Variants in LRRC4C observed in about 807,000 individuals in gnomAD.
The protein encoded by LRRC4C is leucine rich repeat containing 4C, also known as leucine-rich repeat-containing protein 4C.
Under a neutral mutation model 33.6 loss-of-function variants are expected in LRRC4C, and 5 were observed. That is an observed-to-expected ratio of 0.15 (90% CI 0.08 to 0.31). LRRC4C has a LOEUF of 0.31. Among genes scored for constraint, LRRC4C ranks in the 10% least tolerant of loss-of-function variants. LRRC4C has a pLI of 1.00. For missense variants in LRRC4C, 560 were observed against 796.7 expected (o/e 0.70, Z 3.58); for synonymous variants, 329 against 302.0 (o/e 1.09, Z -0.93).
chr11:40,599,292 T>A (rs192135686), intron 3 of LRRC4C, among the ~76,000 whole-genome samples: 7,921 of 150,226 alleles, frequency 0.053, 276 homozygotes, highest in Middle Eastern at 0.096. Context: ...TACAAAAATT[T>A]AAAAAAAAAA....
chr11:40,603,104 G>C (rs1212990000), intron 3 of LRRC4C, among the ~76,000 whole-genome samples: 1 of 152,170 alleles, frequency 6.6e-6, no homozygotes, highest in Admixed American at 6.5e-5. Flanking sequence ...ACAAGGCGAG[G>C]AAATAGGAGG....
intron 2 of LRRC4C, among the ~76,000 whole-genome samples, chr11:40,801,520 C>G (rs1404332465): frequency 6.6e-6 from 1 of 152,154 alleles, no homozygotes; most frequent in Non-Finnish European, 1.5e-5. Flanking sequence ...TGGACTGCAC[C>G]TATTTTGTTT....
At chr11:41,170,708 A>G (rs185801972) in intron 1 of LRRC4C, among the ~76,000 whole-genome samples, 10 of 152,076 alleles carry the variant, frequency 6.6e-5, no homozygotes, top group South Asian at 4.1e-4. Flanking sequence ...AGGACTTCAC[A>G]TCTAAAACAC....
Position 40,114,847 on chromosome 11 carries a change from G to T in LRRC4C, c.1446C>A (p.Val482=). 2.5e-6 allele frequency: 4 copies of T among 1,614,054 alleles called. No individual in the cohort carries two copies. Among genetic ancestry groups the T allele is most frequent in the Non-Finnish European group, 3.4e-6 (4 of 1,179,998 alleles). The change falls in exon 7 of 7, where the codon GTC becomes GTA. Residue 482 remains valine, a synonymous_variant. Coordinates refer to ENST00000528697, the MANE Select transcript of LRRC4C (RefSeq NM_001258419.2). ...TDNNVGPTPV[V]DWETTNVTTS... is the part of the protein sequence containing the mutation. The stretch of plus-strand genomic sequence containing the variant: ...TGGTCACATTGGTGGTCTCCCAGTC[G>T]ACCACTGGAGTGGGACCCACATTGT...
chr11:40,851,201 G>A (rs4261275), intron 2 of LRRC4C, among the ~76,000 whole-genome samples: 113,240 of 151,846 alleles, frequency 0.75, 43,153 homozygotes, highest in East Asian at 0.86. Flanking sequence ...CCCTCCTGCA[G>A]CTAGCTTGGC....
intron 1 of LRRC4C, among the ~76,000 whole-genome samples, chr11:41,045,905 C>A (rs1857745279): frequency 6.6e-6 from 1 of 152,104 alleles, no homozygotes; most frequent in Non-Finnish European, 1.5e-5. Flanking sequence ...TATTTGTGGC[C>A]ATTGCCCCAA....
chr11:40,425,973 T>C (rs1206286523), intron 3 of LRRC4C, among the ~76,000 whole-genome samples: 3 of 151,920 alleles, frequency 2.0e-5, no homozygotes, highest in African/African-American at 7.3e-5. Context: ...TACTGTATAC[T>C]GTGTTTAATG....
At chr11:40,482,181 T>C (rs918260039) in intron 3 of LRRC4C, among the ~76,000 whole-genome samples, 1 of 152,102 alleles carries the variant, frequency 6.6e-6, no homozygotes, top group African/African-American at 2.4e-5. Context: ...CTTCTATAAC[T>C]AATAGAGCAG....
At chr11:40,787,680 T>C (rs1235247606) in intron 2 of LRRC4C, among the ~76,000 whole-genome samples, 5 of 152,224 alleles carry the variant, frequency 3.3e-5, no homozygotes, top group African/African-American at 7.2e-5. Context: ...AGAAGTTATT[T>C]TGGCAATTTA....
chr11:40,686,710 C>T (rs984899865), intron 2 of LRRC4C, among the ~76,000 whole-genome samples: 2 of 152,030 alleles, frequency 1.3e-5, no homozygotes, highest in Non-Finnish European at 2.9e-5. Context: ...ATTCATCTTA[C>T]AAGAGCAGTG....
At chr11:40,238,261 G>T (rs575083653) in intron 5 of LRRC4C, among the ~76,000 whole-genome samples, 2 of 152,244 alleles carry the variant, frequency 1.3e-5, no homozygotes, top group East Asian at 3.9e-4. Flanking sequence ...CCTCAACAGA[G>T]CCCTGCTCTA....
chr11:40,734,025 A>T (rs1374623640), intron 2 of LRRC4C, among the ~76,000 whole-genome samples: 1 of 152,186 alleles, frequency 6.6e-6, no homozygotes, highest in Non-Finnish European at 1.5e-5. Context: ...ATTCCTAAAA[A>T]CATTATTAGA....
At chr11:41,389,633 G>T (rs1329563184) in intron 1 of LRRC4C, among the ~76,000 whole-genome samples, 1 of 994 alleles carries the variant, frequency 1.0e-3, no homozygotes, top group African/African-American at 1.4e-3. Context: ...GGATAACAGT[G>T]AGCAGCAAAA....
At chr11:40,243,042 G>A (rs1866043512) in intron 4 of LRRC4C, among the ~76,000 whole-genome samples, 1 of 152,144 alleles carries the variant, frequency 6.6e-6, no homozygotes. Context: ...CCAAATAACT[G>A]TATGTGCCTT....
chr11:40,545,326 G>A (rs572814764), intron 3 of LRRC4C, among the ~76,000 whole-genome samples: 18 of 151,722 alleles, frequency 1.2e-4, no homozygotes, highest in South Asian at 6.3e-4. Flanking sequence ...TGAATGAACC[G>A]ATTAGAATAA....
chr11:40,170,957 G>A (rs1036671608), intron 5 of LRRC4C, among the ~76,000 whole-genome samples: 12 of 152,136 alleles, frequency 7.9e-5, no homozygotes, highest in Admixed American at 6.5e-4. Flanking sequence ...AGATGGGAAG[G>A]CATATAATAT....
intron 5 of LRRC4C, among the ~76,000 whole-genome samples, chr11:40,148,594 T>G (rs1235583597): frequency 6.6e-6 from 1 of 152,240 alleles, no homozygotes; most frequent in Non-Finnish European, 1.5e-5. Flanking sequence ...CTTTGTCAGA[T>G]GCATAGTTTG....
chr11:40,964,302 A>G (rs1252794922), intron 1 of LRRC4C, among the ~76,000 whole-genome samples: 1 of 151,854 alleles, frequency 6.6e-6, no homozygotes, highest in Non-Finnish European at 1.5e-5. Flanking sequence ...AAGTCAAACA[A>G]AACAAATAAA....
At chr11:40,155,938 T>C (rs903993820) in intron 5 of LRRC4C, among the ~76,000 whole-genome samples, 1 of 152,120 alleles carries the variant, frequency 6.6e-6, no homozygotes, top group Non-Finnish European at 1.5e-5. Flanking sequence ...TGAATATAGA[T>C]GCTAAAATCC....
Sources: gnomAD v4.1 joint callset for allele counts (sites outside exome capture counted in the v4.1 genomes callset) on GRCh38, gnomAD v4.1.1 for gene constraint, MANE v1.5 for transcripts, NCBI Gene and HGNC (gene_info 2026-07-23, HGNC 2026-07-21) for gene names.